The following LARP7 variants were observed in gnomAD, a reference collection of about 807,000 sequenced individuals.
LARP7 encodes the protein La ribonucleoprotein 7, transcriptional regulator.
LARP7 carries 52 observed loss-of-function variants against 69.3 expected under a neutral mutation model. The observed-to-expected ratio is 0.75, with a 90% confidence interval of 0.60 to 0.95. The LOEUF is 0.95. Among genes scored for constraint, LARP7 ranks in the 40% least tolerant of loss-of-function variants. The probability of loss-of-function intolerance (pLI) is 0.00; values close to 1 mark genes in which losing one functional copy is unlikely to be tolerated. For synonymous variants in LARP7, 254 were observed against 215.9 expected (o/e 1.18, Z -1.55); for missense variants, 733 against 673.0 (o/e 1.09, Z -0.99).
At chr4:112,652,736 T>A (rs562854491) in intron 10 of LARP7, among the ~76,000 whole-genome samples, 22 of 151,574 alleles carry the variant, frequency 1.5e-4, no homozygotes, top group Non-Finnish European at 2.8e-4. Flanking sequence ...CTTATACTAC[T>A]CCCAGATGTG....
rs536947693 is a variant in LARP7 at position 112,647,319 on chromosome 4, C to G, written c.767C>G (p.Pro256Arg). 1 of 1,613,918 alleles carries G rather than the reference C, an allele frequency of 6.2e-7. No homozygotes were observed. Among genetic ancestry groups the G allele is most frequent in the South Asian group, 1.1e-5 (1 of 91,078 alleles). Residue 256 changes from proline (P) to arginine (R), a missense_variant, in exon 7 of 13, where the codon CCC becomes CGC. Pro to Arg is a moderately radical substitution (Grantham distance 103). Transcript: ENST00000344442. Reference protein sequence around the residue: ...TSISKMKRSRPTSEGSDIEST... With the variant: ...TSISKMKRSRRTSEGSDIEST... Reference sequence around the variant, plus strand: ...ATCAGTAAAATGAAAAGATCCAGACCCACATCTGAGGGCTCTGACATTGAG... The same window carrying G: ...ATCAGTAAAATGAAAAGATCCAGACGCACATCTGAGGGCTCTGACATTGAG...
intron 1 of LARP7, among the ~76,000 whole-genome samples, chr4:112,643,229 A>T (rs1456084809): frequency 1.3e-5 from 2 of 152,384 alleles, no homozygotes; most frequent in Non-Finnish European, 2.9e-5. Context: ...TATGAACAAA[A>T]ATAAGGCAGG....
intron 1 of LARP7, among the ~76,000 whole-genome samples, chr4:112,642,498 T>C (rs2048001207): frequency 6.6e-6 from 1 of 152,246 alleles, no homozygotes; most frequent in South Asian, 2.1e-4. Context: ...ACCCTCTTAC[T>C]GGATATCACT....
chr4:112,652,701 CT>C (rs58242050), intron 10 of LARP7, among the ~76,000 whole-genome samples: 16,677 of 139,220 alleles, frequency 0.12, 2,452 homozygotes, highest in African/African-American at 0.35. Context: ...TCCCTTAATC[CT>C]TTTTTTTTTT....
In LARP7 at chr4:112,657,562, G is replaced by A. The variant is rs1003094744; in HGVS notation, c.*235G>A. ...TTAGATGTCAGTGTCAGGTGATTTA[G>A]TAAATAAATGTGTTTTGAACATTAT... On this transcript the variant is annotated 3_prime_UTR_variant, in exon 13 of 13. Transcript: ENST00000344442. The A allele has an allele frequency of 3.7e-6, 1 of 270,566 alleles. No individual in the cohort carries two copies. Among genetic ancestry groups the A allele is most frequent in the Non-Finnish European group, 6.9e-6 (1 of 144,760 alleles). 16.8% of individuals were successfully genotyped at this position (270,566 alleles called of 1,614,324 possible).
intron 10 of LARP7, among the ~76,000 whole-genome samples, chr4:112,651,129 C>T (rs2048712778): frequency 6.6e-6 from 1 of 152,022 alleles, no homozygotes. Context: ...TCTTATTTAC[C>T]CTTACCCTGC....
chr4:112,654,339 G>T, intron 12 of LARP7, 180 bp downstream of exon 12: 1 of 487,254 alleles, frequency 2.1e-6, no homozygotes, highest in Non-Finnish European at 3.7e-6. Context: ...CAAAATGTAT[G>T]AAATTGAATT....
In LARP7 at chr4:112,649,543, G is replaced by T; in HGVS notation, c.1151G>T (p.Trp384Leu). 6.3e-7 allele frequency: 1 copy of T among 1,597,574 alleles called. No homozygotes were observed. The highest frequency in any genetic ancestry group is 2.3e-5 in the East Asian group (1 of 44,402). Residue 384 changes from tryptophan to leucine, a missense_variant, in exon 9 of 13, where the codon TGG (tryptophan) becomes TTG (leucine). By Grantham distance (61) the Trp-to-Leu change is moderately conservative. Transcript: ENST00000344442. ...CATTTCTTTCCTTGTAGGAGCGAAT[G>T]GATGGATTTGAAAAAAGAGTATTTA... ...IPLRVLSKSE[W>L]MDLKKEYLAL...
At chr4:112,653,502 G>T (rs145663069) in intron 11 of LARP7, among the ~76,000 whole-genome samples, 5,840 of 151,700 alleles carry the variant, frequency 0.038, 208 homozygotes, top group East Asian at 0.19. Context: ...TTTATTTTTT[G>T]AGACAGAGTT....
In LARP7 at chr4:112,647,721, T is replaced by C. The variant is rs755310911; in HGVS notation, c.1029T>C (p.Asp343=). 6.4e-7 allele frequency: 1 copy of C among 1,554,250 alleles called. No individual in the cohort carries two copies. ...DIEISTEEEK[D]TGDLKDSSLL... is the part of the protein sequence containing the mutation. ...AAATCTCTACTGAAGAGGAAAAGGA[T>C]ACTGGAGATCTAAAAGATAGCTCTC... The change falls in exon 8 of 13, where the codon GAT becomes GAC. Residue 343 remains aspartate, a synonymous_variant. Transcript: ENST00000344442.
intron 2 of LARP7, 71 bp downstream of exon 2, chr4:112,644,942 A>ATTTTTT (rs1554010533): frequency 3.8e-5 from 9 of 235,836 alleles, no homozygotes; most frequent in Non-Finnish European, 3.9e-5. Flanking sequence ...AAAATAATAT[A>ATTTTTT]TTCTTTTTTT....
Position 112,646,346 on chromosome 4 carries a change from T to A in LARP7, c.203-5T>A, listed in dbSNP as rs1225163172. 1 of 1,352,312 alleles carries A rather than the reference T, an allele frequency of 7.4e-7. No homozygotes were observed. Among genetic ancestry groups the A allele is most frequent in the Non-Finnish European group, 1.0e-6 (1 of 953,074 alleles). 83.8% of individuals were successfully genotyped at this position (1,352,312 alleles called of 1,614,324 possible). ...CTAACATATTAACTTTTTCATTTTC[T>A]TTAGATGTTGATATATCACTACTTG... On this transcript the variant is annotated splice_region_variant and splice_polypyrimidine_tract_variant and intron_variant, in intron 2 of 12. Coordinates refer to ENST00000344442, the MANE Select transcript of LARP7 (RefSeq NM_016648.4).
At chr4:112,649,901 C>T (rs1018180196) in intron 9 of LARP7, 5 of 317,318 alleles carry the variant, frequency 1.6e-5, no homozygotes, top group Admixed American at 1.5e-4. Flanking sequence ...TTTTAAATAA[C>T]CTGAGTTTTC....
chr4:112,639,296 G>A (rs1358646705), intron 1 of LARP7, among the ~76,000 whole-genome samples: 1 of 147,456 alleles, frequency 6.8e-6, no homozygotes, highest in Non-Finnish European at 1.5e-5. Flanking sequence ...TGCAAGCTCC[G>A]CCTCCCGGAT....
chr4:112,639,104 A>C (rs2047847935), intron 1 of LARP7, among the ~76,000 whole-genome samples: 1 of 152,148 alleles, frequency 6.6e-6, no homozygotes, highest in Admixed American at 6.5e-5. Flanking sequence ...GATGGAAGAA[A>C]CTGCTACCTA....
chr4:112,639,935 A>G (rs1385089196), intron 1 of LARP7, among the ~76,000 whole-genome samples: 2 of 152,028 alleles, frequency 1.3e-5, no homozygotes, highest in African/African-American at 2.4e-5. Context: ...ATTATAGCCT[A>G]CGTTTGTGTT....
intron 12 of LARP7, among the ~76,000 whole-genome samples, chr4:112,656,314 C>T (rs1266983292): frequency 6.6e-6 from 1 of 152,102 alleles, no homozygotes; most frequent in Non-Finnish European, 1.5e-5. Flanking sequence ...AAGAGAATTG[C>T]CTGAACCTAG....
chr4:112,645,530 A>G (rs1314749624), intron 2 of LARP7: 2 of 456,094 alleles, frequency 4.4e-6, no homozygotes, highest in East Asian at 1.4e-4. Context: ...TTTTGAGGCA[A>G]GGTCTATCTT....
At chr4:112,647,954 A>ATT in intron 8 of LARP7, 120 bp downstream of exon 8, 1 of 797,682 alleles carries the variant, frequency 1.3e-6, no homozygotes, top group Non-Finnish European at 2.2e-6. Context: ...TGTAGCCAAG[A>ATT]ACTGCACACA....
Sources: allele counts gnomAD v4.1 joint callset (sites outside exome capture counted in the v4.1 genomes callset), GRCh38; gene constraint gnomAD v4.1.1; transcripts MANE v1.5; gene names NCBI Gene and HGNC (gene_info 2026-07-23, HGNC 2026-07-21).